The following FBXW11 variants were observed in gnomAD, a reference collection of about 807,000 sequenced individuals.
FBXW11 encodes F-box and WD repeat domain containing 11, also known as F-box/WD repeat-containing protein 11.
In FBXW11, 19 loss-of-function variants were observed where a neutral mutation model predicts 77.6. The ratio of observed to expected loss-of-function variants is 0.24; its 90% CI spans 0.17 to 0.36. FBXW11 has a LOEUF of 0.36. Among genes scored for constraint, FBXW11 ranks in the 10% least tolerant of loss-of-function variants. FBXW11 has a pLI of 1.00. For missense variants in FBXW11, 334 were observed against 704.2 expected (o/e 0.47, Z 5.95); for synonymous variants, 235 against 249.4 (o/e 0.94, Z 0.54).
At chr5:171,988,225 T>A (rs1375586086) in intron 1 of FBXW11, among the ~76,000 whole-genome samples, 1 of 152,148 alleles carries the variant, frequency 6.6e-6, no homozygotes, top group African/African-American at 2.4e-5. Flanking sequence ...TAAATACCAT[T>A]CCTTACTAAA....
chr5:171,973,897 G>A (rs11952732), intron 1 of FBXW11, among the ~76,000 whole-genome samples: 7,251 of 152,072 alleles, frequency 0.048, 527 homozygotes, highest in African/African-American at 0.17. Context: ...AACATTATTT[G>A]ATATTTAAAA....
intron 2 of FBXW11, among the ~76,000 whole-genome samples, chr5:171,939,534 G>A (rs964997833): frequency 1.3e-5 from 2 of 151,734 alleles, no homozygotes; most frequent in African/African-American, 4.8e-5. Flanking sequence ...CCGTCTCTAA[G>A]AAAAATGACA....
intron 2 of FBXW11, among the ~76,000 whole-genome samples, chr5:171,914,915 T>C (rs1381169936): frequency 6.6e-6 from 1 of 152,230 alleles, no homozygotes. Context: ...CTAGCAAGCA[T>C]AGCGGGTGCC....
At position 171,891,622 on chromosome 5, in the gene FBXW11, C is replaced by T. The variant is rs1759352489; in HGVS notation, c.715-18G>A. 6.2e-7 allele frequency: 1 copy of T among 1,600,014 alleles called. No individual in the cohort carries two copies. The highest frequency in any genetic ancestry group is 1.4e-5 in the African/African-American group (1 of 73,710). ...TCTATAGTCTAGGGAAAAAAGGAGG[C>T]AAGAGATGAGTTTTTATGAATCAAC... On this transcript the variant is annotated intron_variant, in intron 6 of 13. Transcript: ENST00000517395.
At chr5:171,974,553 A>G (rs909303884) in intron 1 of FBXW11, among the ~76,000 whole-genome samples, 2 of 152,112 alleles carry the variant, frequency 1.3e-5, no homozygotes, top group East Asian at 1.9e-4. Context: ...AATTTCTTGA[A>G]GCTAAAAAAA....
chr5:171,913,051 A>C (rs17670708), intron 3 of FBXW11, among the ~76,000 whole-genome samples: 3,616 of 152,284 alleles, frequency 0.024, 86 homozygotes, highest in Non-Finnish European at 0.031. Context: ...GACAGAGTAA[A>C]GGATATACAT....
intron 2 of FBXW11, among the ~76,000 whole-genome samples, chr5:171,918,069 T>C (rs1265141456): frequency 6.6e-6 from 1 of 151,932 alleles, no homozygotes; most frequent in African/African-American, 2.4e-5. Context: ...CCAAATACTT[T>C]TGGGAGACAA....
intron 2 of FBXW11, among the ~76,000 whole-genome samples, chr5:171,915,650 T>TGTGTGTGTGTGTGTGTGTGAGA (rs982596459): frequency 6.0e-5 from 9 of 151,212 alleles, no homozygotes; most frequent in Admixed American, 2.6e-4. Context: ...TGTGTGTGTG[T>TGTGTGTGTGTGTGTGTGTGAGA]GAGCCTGAGC....
chr5:171,987,027 T>G (rs1218665560), intron 1 of FBXW11, among the ~76,000 whole-genome samples: 1 of 152,216 alleles, frequency 6.6e-6, no homozygotes, highest in Non-Finnish European at 1.5e-5. Context: ...GGAACCCTAC[T>G]GTGAACTGCG....
chr5:171,944,490 G>C (rs1350052731), intron 2 of FBXW11, among the ~76,000 whole-genome samples: 1 of 149,770 alleles, frequency 6.7e-6, no homozygotes, highest in African/African-American at 2.4e-5. Flanking sequence ...CAGGAGAATG[G>C]CGTGAACCCC....
At chr5:171,924,231 C>A (rs1295248511) in intron 2 of FBXW11, among the ~76,000 whole-genome samples, 1 of 152,048 alleles carries the variant, frequency 6.6e-6, no homozygotes, top group Non-Finnish European at 1.5e-5. Flanking sequence ...CAAAACCCCA[C>A]CTTCAAGCTA....
intron 1 of FBXW11, among the ~76,000 whole-genome samples, chr5:171,971,434 G>A (rs2113421484): frequency 6.6e-6 from 1 of 152,204 alleles, no homozygotes; most frequent in East Asian, 1.9e-4. Flanking sequence ...TCCATGCGTT[G>A]TATGTAACTT....
chr5:171,950,593 C>CA (rs1027130824), intron 2 of FBXW11, among the ~76,000 whole-genome samples: 5 of 150,914 alleles, frequency 3.3e-5, no homozygotes, highest in Middle Eastern at 3.5e-3. Flanking sequence ...TTCCTCTATT[C>CA]AAAAAAAAAT....
intron 2 of FBXW11, among the ~76,000 whole-genome samples, chr5:171,954,372 A>T (rs1387602688): frequency 6.6e-6 from 1 of 152,238 alleles, no homozygotes; most frequent in Non-Finnish European, 1.5e-5. Context: ...AAAAATGGCA[A>T]GGTAGATAAC....
Position 171,889,682 on chromosome 5 carries a change from T to A in FBXW11, c.852+1785A>T, listed in dbSNP as rs145662768. On this transcript the variant is annotated intron_variant, in intron 7 of 13. Coordinates refer to ENST00000517395, the MANE Select transcript of FBXW11 (RefSeq NM_001378974.1). ...CAGGTGGATCACCTAAAGTCGGGAG[T>A]TTGAGACCAGCCTGACCAACATGGA... Among the ~76,000 whole-genome samples, 381 of 149,060 alleles carry A rather than the reference T, an allele frequency of 2.6e-3. 2 individuals are homozygous for A. The highest frequency in any genetic ancestry group is 4.1e-3 in the Non-Finnish European group (275 of 67,338).
chr5:171,888,628 C>G (rs992515150), intron 7 of FBXW11, among the ~76,000 whole-genome samples: 2 of 152,304 alleles, frequency 1.3e-5, no homozygotes, highest in East Asian at 3.9e-4. Flanking sequence ...GTCTTTACAA[C>G]ATAATATCCA....
At chr5:172,000,289 C>T (rs1468701805) in intron 1 of FBXW11, among the ~76,000 whole-genome samples, 5 of 152,096 alleles carry the variant, frequency 3.3e-5, no homozygotes, top group African/African-American at 9.7e-5. Flanking sequence ...TAAACTAAAC[C>T]GATCAAACAT....
intron 1 of FBXW11, among the ~76,000 whole-genome samples, chr5:171,998,336 CTTTTTT>C (rs778327855): frequency 8.7e-6 from 1 of 114,834 alleles, no homozygotes; most frequent in Admixed American, 8.4e-5. Context: ...TTTTTCTTGT[CTTTTTT>C]TTTTTTTTTT....
intron 1 of FBXW11, among the ~76,000 whole-genome samples, chr5:171,999,102 A>C (rs1243139788): frequency 1.3e-5 from 2 of 152,288 alleles, no homozygotes; most frequent in African/African-American, 4.8e-5. Context: ...CAAAAGTAAA[A>C]TCCCAAGCAA....
Sources: gnomAD v4.1 joint callset for allele counts (sites outside exome capture counted in the v4.1 genomes callset) on GRCh38, gnomAD v4.1.1 for gene constraint, MANE v1.5 for transcripts, NCBI Gene and HGNC (gene_info 2026-07-23, HGNC 2026-07-21) for gene names.